The following PCGF6 variants were observed in gnomAD, a reference collection of about 807,000 sequenced individuals.
The protein encoded by PCGF6 is polycomb group RING finger protein 6.
Under a neutral mutation model 45.5 loss-of-function variants are expected in PCGF6, and 24 were observed. The ratio of observed to expected loss-of-function variants is 0.53; its 90% CI spans 0.38 to 0.74. The LOEUF (loss-of-function observed/expected upper bound fraction) is 0.74, where lower values mean the gene tolerates loss of function less well. Among genes scored for constraint, PCGF6 ranks in the 30% least tolerant of loss-of-function variants. The pLI, the probability that PCGF6 is intolerant of heterozygous loss-of-function variation, is 0.00. For synonymous variants in PCGF6, 152 were observed against 162.1 expected (o/e 0.94, Z 0.47); for missense variants, 356 against 443.2 (o/e 0.80, Z 1.77).
In PCGF6 at chr10:103,343,185, C is replaced by G. The variant is rs181320495; in HGVS notation, c.782+1839G>C. ...CCTCATGATCCGCCCGCCTCGGCCT[C>G]CCAAAGTGCTGGGATTATAGGCGTG... On this transcript the variant is annotated intron_variant, in intron 6 of 9. Transcript: ENST00000369847. 4.7e-3 allele frequency among the ~76,000 whole-genome samples: 715 copies of G among 152,138 alleles called. 2 individuals carry two copies. Among genetic ancestry groups the G allele is most frequent in the Non-Finnish European group, 8.2e-3 (561 of 68,014 alleles).
chr10:103,341,050 C>CGTTT (rs2093278742), intron 6 of PCGF6, among the ~76,000 whole-genome samples: 1 of 151,772 alleles, frequency 6.6e-6, no homozygotes, highest in African/African-American at 2.4e-5. Flanking sequence ...ACTGACATGG[C>CGTTT]GAAACCCTGT....
At position 103,348,891 on chromosome 10, in the gene PCGF6, T is replaced by C. The variant is rs1220858178; in HGVS notation, c.460+9A>G. The C allele has an allele frequency of 6.2e-6, 10 of 1,607,588 alleles. No individual in the cohort carries two copies. Among genetic ancestry groups the C allele is most frequent in the Non-Finnish European group, 7.7e-6 (9 of 1,175,160 alleles). ...AAAAATTATTCAGAAATGTGATCGG[T>C]ATGCTTACAGGTATGAAGACATTCT... is the stretch of plus-strand genomic sequence containing the variant. On this transcript the variant is annotated intron_variant, in intron 2 of 9. Transcript: ENST00000369847.
chr10:103,351,061 C>G lies in PCGF6; in HGVS notation c.6G>C (p.Glu2Asp). ...TGCCCGCCGTCACCACCGCGACCCC[C>G]TCCATGGTCGGGAGAGACACCAGGC... is the stretch of plus-strand genomic sequence containing the variant. MEGVAVVTAGSV... is the reference protein window; with the variant it reads MDGVAVVTAGSV... Residue 2 changes from glutamate to aspartate, a missense_variant, in exon 1 of 10, where the codon GAG (glutamate) becomes GAC (aspartate). Around this residue, in one of 2 missense-constraint regions of PCGF6, gnomAD observed 307 missense variants for 350.1 expected, o/e 0.88. Coordinates refer to ENST00000369847, the MANE Select transcript of PCGF6 (RefSeq NM_001011663.2). 1 of 1,389,494 alleles carries G rather than the reference C, an allele frequency of 7.2e-7. No individual in the cohort carries two copies. The allele number at this position is 1,389,494 out of a possible 1,614,324, so 86.1% of individuals were successfully genotyped here.
At chr10:103,326,104 A>ATTGAACATTCAATTATTG (rs1282055631) in intron 8 of PCGF6, among the ~76,000 whole-genome samples, 2 of 152,164 alleles carry the variant, frequency 1.3e-5, no homozygotes, top group East Asian at 3.8e-4. Flanking sequence ...ATATTCAATT[A>ATTGAACATTCAATTATTG]GCATTAACAA....
intron 8 of PCGF6, among the ~76,000 whole-genome samples, chr10:103,316,831 T>C (rs2093177777): frequency 6.6e-6 from 1 of 152,128 alleles, no homozygotes; most frequent in African/African-American, 2.4e-5. Context: ...AATCTGAGAT[T>C]ATATAGAATT....
chr10:103,314,363 A>C (rs770810993), intron 8 of PCGF6, 91 bp from the exon 9 acceptor site: 125 of 812,728 alleles, frequency 1.5e-4, no homozygotes, highest in Non-Finnish European at 2.2e-4. Flanking sequence ...AATTGTTTCC[A>C]AACTAGATTT....
intron 9 of PCGF6, among the ~76,000 whole-genome samples, chr10:103,308,243 T>A (rs1425931226): frequency 6.6e-6 from 1 of 151,868 alleles, no homozygotes; most frequent in East Asian, 1.9e-4. Flanking sequence ...CACCCTGAGT[T>A]TGAAAATGCC....
At chr10:103,336,562 T>G (rs2093258084) in intron 6 of PCGF6, among the ~76,000 whole-genome samples, 1 of 152,174 alleles carries the variant, frequency 6.6e-6, no homozygotes, top group Non-Finnish European at 1.5e-5. Flanking sequence ...GTTTCATTTG[T>G]GGGTGACTTT....
intron 7 of PCGF6, among the ~76,000 whole-genome samples, chr10:103,333,479 T>C (rs1335805886): frequency 6.6e-6 from 1 of 152,196 alleles, no homozygotes; most frequent in Non-Finnish European, 1.5e-5. Context: ...CAATGTTACC[T>C]GTGATTTCGG....
intron 9 of PCGF6, among the ~76,000 whole-genome samples, chr10:103,306,705 C>T (rs1264918510): frequency 2.0e-5 from 3 of 152,312 alleles, no homozygotes; most frequent in African/African-American, 7.2e-5. Flanking sequence ...GCCCACAAGG[C>T]CCAGGCCAGT....
intron 8 of PCGF6, among the ~76,000 whole-genome samples, chr10:103,320,902 C>T (rs994157047): frequency 6.6e-6 from 1 of 152,138 alleles, no homozygotes; most frequent in African/African-American, 2.4e-5. Flanking sequence ...ATAGCAGGCT[C>T]GTGACTGCAG....
intron 6 of PCGF6, among the ~76,000 whole-genome samples, chr10:103,341,644 A>G (rs2093281299): frequency 6.6e-6 from 1 of 150,896 alleles, no homozygotes. Context: ...GGGTTTCACC[A>G]TATTGGCCAG....
chr10:103,311,699 C>T (rs779082408), intron 9 of PCGF6, among the ~76,000 whole-genome samples: 12 of 152,094 alleles, frequency 7.9e-5, no homozygotes, highest in Non-Finnish European at 1.6e-4. Flanking sequence ...TAATCACCCA[C>T]AACATTTAAT....
intron 8 of PCGF6, among the ~76,000 whole-genome samples, chr10:103,320,232 A>G (rs780735361): frequency 5.3e-5 from 8 of 152,196 alleles, no homozygotes; most frequent in Non-Finnish European, 1.0e-4. Flanking sequence ...AAAGCAAAAT[A>G]AGGTCTGAAT....
At chr10:103,320,331 GA>G (rs2093192376) in intron 8 of PCGF6, among the ~76,000 whole-genome samples, 1 of 152,122 alleles carries the variant, frequency 6.6e-6, no homozygotes, top group Non-Finnish European at 1.5e-5. Flanking sequence ...GTCTCTATGA[GA>G]AAGAAACATA....
At chr10:103,326,478 GT>G in intron 8 of PCGF6, 55 bp downstream of exon 8, 1 of 1,047,532 alleles carries the variant, frequency 9.5e-7, no homozygotes, top group South Asian at 1.7e-5. Context: ...TCTTTCTACA[GT>G]GTGCTAAAGG....
chr10:103,308,717 A>G (rs770003545), intron 9 of PCGF6, among the ~76,000 whole-genome samples: 1 of 151,898 alleles, frequency 6.6e-6, no homozygotes, highest in Non-Finnish European at 1.5e-5. Context: ...ACAAAAAAAT[A>G]CAAAAATTAG....
intron 9 of PCGF6, among the ~76,000 whole-genome samples, chr10:103,308,171 G>T (rs1299121156): frequency 6.6e-6 from 1 of 152,116 alleles, no homozygotes; most frequent in Admixed American, 6.6e-5. Flanking sequence ...CTGCCCAGTG[G>T]TGCTGTGAGA....
rs1331327979 is a variant in PCGF6, at chr10:103,347,306, T to A, written c.614-9A>T. The stretch of plus-strand genomic sequence containing the variant: ...CATTTGCTTTTTTTCTCCTAAAAAA[T>A]GATAAAACACAGACTAAATTACACT... On this transcript the variant is annotated splice_polypyrimidine_tract_variant and intron_variant, in intron 4 of 9. Coordinates refer to ENST00000369847, the MANE Select transcript of PCGF6 (RefSeq NM_001011663.2). 6.2e-7 allele frequency: 1 copy of A among 1,601,876 alleles called. No individual in the cohort carries two copies. The highest frequency in any genetic ancestry group is 8.6e-7 in the Non-Finnish European group (1 of 1,169,088).
Sources: allele counts gnomAD v4.1 joint callset (sites outside exome capture counted in the v4.1 genomes callset), GRCh38; gene constraint gnomAD v4.1.1; regional missense constraint gnomAD v4.1.1; transcripts MANE v1.5; gene names NCBI Gene and HGNC (gene_info 2026-07-23, HGNC 2026-07-21).